Variants in EBF1 observed in about 807,000 individuals in gnomAD.
EBF1 encodes the protein transcription factor COE1.
A neutral mutation model predicts 68.4 loss-of-function variants in EBF1; 10 were observed. The observed-to-expected ratio is 0.15, with a 90% CI of 0.09 to 0.25. The LOEUF (loss-of-function observed/expected upper bound fraction) is 0.25, where lower values mean the gene tolerates loss of function less well. EBF1 is among the 10% of genes least tolerant of loss of function. EBF1 has a pLI of 1.00. For synonymous variants in EBF1, 298 were observed against 299.8 expected, an observed-to-expected ratio of 0.99 and a Z score of 0.06; for missense variants, 509 against 794.4, an observed-to-expected ratio of 0.64 and a Z score of 4.32.
intron 6 of EBF1, among the ~76,000 whole-genome samples, chr5:158,880,421 A>T (rs1798675310): frequency 6.6e-6 from 1 of 152,212 alleles, no homozygotes; most frequent in African/African-American, 2.4e-5. Flanking sequence ...ATTTATTCTC[A>T]ATCTGGCCAT....
chr5:159,079,337 T>C (rs1779335814), intron 5 of EBF1, among the ~76,000 whole-genome samples: 1 of 152,150 alleles, frequency 6.6e-6, no homozygotes, highest in South Asian at 2.1e-4. Flanking sequence ...CATTATCAAG[T>C]TTTCCCATTG....
intron 6 of EBF1, among the ~76,000 whole-genome samples, chr5:159,005,862 TG>T (rs1763449280): frequency 1.3e-5 from 2 of 152,310 alleles, no homozygotes; most frequent in Admixed American, 1.3e-4. Context: ...AGTCTTAAAT[TG>T]CCTATAGGTT....
chr5:159,056,782 T>A (rs1774828458), intron 6 of EBF1, among the ~76,000 whole-genome samples: 1 of 152,198 alleles, frequency 6.6e-6, no homozygotes, highest in African/African-American at 2.4e-5. Context: ...CTTTGAAAAT[T>A]GCCAACGTCA....
intron 6 of EBF1, among the ~76,000 whole-genome samples, chr5:158,895,664 T>A (rs1437298424): frequency 6.6e-6 from 1 of 152,166 alleles, no homozygotes; most frequent in Non-Finnish European, 1.5e-5. Context: ...GAGAGGAGAA[T>A]GGTAAGCAAT....
intron 6 of EBF1, among the ~76,000 whole-genome samples, chr5:158,987,733 A>G (rs911161660): frequency 1.3e-5 from 2 of 152,250 alleles, no homozygotes; most frequent in African/African-American, 4.8e-5. Context: ...CTAACTGCCC[A>G]GGAAAAAGAT....
intron 9 of EBF1, among the ~76,000 whole-genome samples, chr5:158,792,143 T>C (rs1242327129): frequency 6.6e-6 from 1 of 152,196 alleles, no homozygotes; most frequent in African/African-American, 2.4e-5. Flanking sequence ...TAGATTTGTA[T>C]ATAAAATACT....
intron 4 of EBF1, among the ~76,000 whole-genome samples, chr5:159,087,058 T>G (rs185666563): frequency 6.6e-5 from 10 of 152,156 alleles, no homozygotes; most frequent in African/African-American, 2.4e-4. Context: ...AAAACTCTAA[T>G]GAAGCATTTC....
chr5:158,976,398 A>G lies in EBF1; in HGVS notation c.554+96998T>C, dbSNP rs533726858. Among the ~76,000 whole-genome samples the G allele has an allele frequency of 3.3e-5, 5 of 151,810 alleles. No homozygotes were observed. In the East Asian group the frequency reaches 9.7e-4, roughly 30 times the overall value. On this transcript the variant is annotated intron_variant, in intron 6 of 15. Transcript: ENST00000313708. ...CCAGTTATGTGTGCAAACCCACAATAAATCACTAGGAATGTAAAATACACT... is the reference window on the plus strand; with the variant it reads ...CCAGTTATGTGTGCAAACCCACAATGAATCACTAGGAATGTAAAATACACT...
chr5:158,839,174 TA>T (rs1299526476), intron 7 of EBF1, among the ~76,000 whole-genome samples: 1 of 152,206 alleles, frequency 6.6e-6, no homozygotes, highest in Non-Finnish European at 1.5e-5. Flanking sequence ...AATGTATAAT[TA>T]AGGACATTTC....
At chr5:159,031,940 C>T (rs537918288) in intron 6 of EBF1, among the ~76,000 whole-genome samples, 2 of 152,220 alleles carry the variant, frequency 1.3e-5, no homozygotes, top group Admixed American at 1.3e-4. Context: ...ATCAGCCACA[C>T]TCCTCCCGTC....
intron 6 of EBF1, among the ~76,000 whole-genome samples, chr5:158,953,161 A>G (rs546427106): frequency 1.3e-5 from 2 of 152,296 alleles, no homozygotes; most frequent in Admixed American, 1.3e-4. Context: ...TCTGCTAACT[A>G]CACCAGTAAA....
At chr5:158,999,244 T>G (rs1388755764) in intron 6 of EBF1, among the ~76,000 whole-genome samples, 11 of 152,144 alleles carry the variant, frequency 7.2e-5, no homozygotes, top group Non-Finnish European at 1.6e-4. Flanking sequence ...TGACCAATAG[T>G]TGTTCCAAGC....
intron 1 of EBF1, chr5:159,097,754 T>C (rs1782908385): frequency 4.3e-6 from 1 of 233,322 alleles, no homozygotes; most frequent in Non-Finnish European, 8.5e-6. Context: ...AGGGGTGTTT[T>C]CTTAAAGACC....
At chr5:158,808,601 T>G (rs1463888913) in intron 8 of EBF1, among the ~76,000 whole-genome samples, 1 of 152,098 alleles carries the variant, frequency 6.6e-6, no homozygotes, top group African/African-American at 2.4e-5. Context: ...TTCTACCACT[T>G]TAATTGAGGA....
At chr5:158,869,035 T>G (rs1796410779) in intron 6 of EBF1, among the ~76,000 whole-genome samples, 1 of 152,124 alleles carries the variant, frequency 6.6e-6, no homozygotes, top group South Asian at 2.1e-4. Flanking sequence ...GCATTCAACT[T>G]TTTCTCCGTC....
At chr5:158,707,759 C>T (rs1029414043) in intron 15 of EBF1, 7 of 531,716 alleles carry the variant, frequency 1.3e-5, no homozygotes, top group Non-Finnish European at 2.3e-5. Context: ...GGAAAGAGGA[C>T]TTCTTGAGCA....
At chr5:159,039,582 A>T (rs1011819398) in intron 6 of EBF1, among the ~76,000 whole-genome samples, 1 of 152,230 alleles carries the variant, frequency 6.6e-6, no homozygotes, top group Non-Finnish European at 1.5e-5. Context: ...AGAAAGAAAC[A>T]GGAAAGCCAG....
rs563687812 is a variant in EBF1, at chr5:158,805,307, G to A, written c.779-8832C>T. ...GCAAGTCTAGTGGAAAATCTGTGAC[G>A]CTAATCTTGGCTGGAGTCGTATTTT... On this transcript the variant is annotated intron_variant, in intron 8 of 15. Coordinates refer to ENST00000313708, the MANE Select transcript of EBF1 (RefSeq NM_024007.5). Among the ~76,000 whole-genome samples the A allele has an allele frequency of 3.1e-3, 475 of 152,216 alleles. 1 individual carries two copies. Among genetic ancestry groups the A allele is most frequent in the Non-Finnish European group, 4.6e-3 (312 of 67,998 alleles).
At chr5:158,864,144 A>G (rs978002619) in intron 6 of EBF1, among the ~76,000 whole-genome samples, 1 of 150,208 alleles carries the variant, frequency 6.7e-6, no homozygotes, top group East Asian at 2.0e-4. Context: ...GAATCACTTG[A>G]ACCCGGGAGG....
Sources: gnomAD v4.1 joint callset for allele counts (sites outside exome capture counted in the v4.1 genomes callset) on GRCh38, gnomAD v4.1.1 for gene constraint, MANE v1.5 for transcripts, NCBI Gene and HGNC (gene_info 2026-07-23, HGNC 2026-07-21) for gene names.